CSNK1G1: variants seen among roughly 807,000 people sequenced by gnomAD.
CSNK1G1 encodes the protein casein kinase I isoform gamma-1.
Under a neutral mutation model 59.6 loss-of-function variants are expected in CSNK1G1, and 22 were observed. The observed-to-expected ratio is 0.37, with a 90% CI of 0.26 to 0.53. CSNK1G1 has a LOEUF of 0.53. Among genes scored for constraint, CSNK1G1 ranks in the 20% least tolerant of loss-of-function variants. The pLI is 0.89. For missense variants in CSNK1G1, 384 were observed against 519.5 expected, an observed-to-expected ratio of 0.74 and a Z score of 2.54; for synonymous variants, 179 against 177.1, an observed-to-expected ratio of 1.01 and a Z score of -0.08.
rs560586305 is a variant in CSNK1G1, at chr15:64,226,853, TA to T, written c.293-10141del. ...AGTCAAGAAGGTTCTAGCAAGCAGC[TA>T]GAAGGAATGAAAAGGAAAAAATGAG... On this transcript the variant is annotated intron_variant, in intron 4 of 11. Transcript: ENST00000303052. Among the ~76,000 whole-genome samples the T allele has an allele frequency of 4.6e-5, 7 of 152,180 alleles. No individual in the cohort carries two copies. The East Asian group carries it at 1.2e-3, about 25-fold the overall frequency.
intron 2 of CSNK1G1, among the ~76,000 whole-genome samples, chr15:64,271,930 G>A: frequency 6.6e-6 from 1 of 152,108 alleles, no homozygotes; most frequent in East Asian, 1.9e-4. Flanking sequence ...GAATCTGGGT[G>A]CTCCTGTGTC....
chr15:64,304,451 G>GC (rs1376320802), intron 1 of CSNK1G1, among the ~76,000 whole-genome samples: 1 of 151,122 alleles, frequency 6.6e-6, no homozygotes, highest in East Asian at 1.9e-4. Flanking sequence ...ACTTTATGTG[G>GC]CATCTCTCAC....
chr15:64,278,435 T>A (rs1421195181), intron 2 of CSNK1G1, among the ~76,000 whole-genome samples: 2 of 143,354 alleles, frequency 1.4e-5, no homozygotes, highest in Non-Finnish European at 3.1e-5. Context: ...TATATATATT[T>A]TTTTTTTTTT....
intron 1 of CSNK1G1, among the ~76,000 whole-genome samples, chr15:64,321,229 TA>T (rs965504576): frequency 6.7e-6 from 1 of 149,234 alleles, no homozygotes; most frequent in Non-Finnish European, 1.5e-5. Context: ...CCCACTGAAA[TA>T]AAAAAAAGCA....
intron 1 of CSNK1G1, among the ~76,000 whole-genome samples, chr15:64,305,715 C>CA (rs1895648191): frequency 2.8e-5 from 3 of 107,606 alleles, no homozygotes; most frequent in Admixed American, 9.3e-5. Context: ...AAAACAAAAA[C>CA]AAAAACAAAA....
chr15:64,343,576 T>C (rs1295620331), intron 1 of CSNK1G1, among the ~76,000 whole-genome samples: 1 of 152,042 alleles, frequency 6.6e-6, no homozygotes, highest in East Asian at 1.9e-4. Flanking sequence ...TTTAATCTCC[T>C]TCCTGTCAGA....
At chr15:64,181,188 C>A in intron 10 of CSNK1G1, 1 of 1,524,848 alleles carries the variant, frequency 6.6e-7, no homozygotes, top group South Asian at 1.2e-5. Flanking sequence ...AGTCTTATTT[C>A]AACGATCTTT....
intron 2 of CSNK1G1, among the ~76,000 whole-genome samples, chr15:64,279,864 C>T (rs1488226463): frequency 4.6e-5 from 7 of 150,940 alleles, no homozygotes; most frequent in Non-Finnish European, 7.4e-5. Context: ...CCCAGCTACT[C>T]GGGAGGCTGA....
At chr15:64,303,160 TTCAAG>T (rs1895457160) in intron 1 of CSNK1G1, among the ~76,000 whole-genome samples, 3 of 150,790 alleles carry the variant, frequency 2.0e-5, no homozygotes, top group South Asian at 2.1e-4. Context: ...AGCCCATGAG[TTCAAG>T]GCTGGAATGT....
intron 11 of CSNK1G1, among the ~76,000 whole-genome samples, chr15:64,177,940 G>A (rs1423943946): frequency 6.6e-6 from 1 of 152,194 alleles, no homozygotes; most frequent in Non-Finnish European, 1.5e-5. Flanking sequence ...GGTGGGAGCT[G>A]GGAACAGGTA....
chr15:64,266,695 T>A (rs1199722555), intron 2 of CSNK1G1, among the ~76,000 whole-genome samples: 1 of 152,050 alleles, frequency 6.6e-6, no homozygotes, highest in Non-Finnish European at 1.5e-5. Context: ...AATAGAGAAC[T>A]CAGAAATAAA....
intron 11 of CSNK1G1, among the ~76,000 whole-genome samples, chr15:64,179,775 A>G (rs1325925324): frequency 6.6e-6 from 1 of 152,158 alleles, no homozygotes; most frequent in Non-Finnish European, 1.5e-5. Context: ...AGAAGCAGAA[A>G]AGGGTGTGGG....
chr15:64,229,078 C>T (rs1012697058), intron 4 of CSNK1G1, among the ~76,000 whole-genome samples: 1 of 148,702 alleles, frequency 6.7e-6, no homozygotes, highest in Non-Finnish European at 1.5e-5. Flanking sequence ...TTTTTCTTAT[C>T]AACATATAGA....
intron 1 of CSNK1G1, among the ~76,000 whole-genome samples, chr15:64,319,917 CTTTTTTT>C (rs148166902): frequency 3.0e-5 from 2 of 65,934 alleles, no homozygotes; most frequent in African/African-American, 1.1e-4. Context: ...TAGATCAGGG[CTTTTTTT>C]TTTTTTTTTT....
chr15:64,225,556 G>C (rs1417315027), intron 4 of CSNK1G1, among the ~76,000 whole-genome samples: 4 of 152,150 alleles, frequency 2.6e-5, no homozygotes, highest in Non-Finnish European at 5.9e-5. Context: ...TTGGCCTAGG[G>C]CAGAATCCTT....
chr15:64,206,179 C>A (rs76547255), intron 7 of CSNK1G1, among the ~76,000 whole-genome samples: 2 of 152,002 alleles, frequency 1.3e-5, no homozygotes, highest in Admixed American at 6.6e-5. Context: ...CAGTGGCTCA[C>A]GCCTGTAATC....
intron 1 of CSNK1G1, among the ~76,000 whole-genome samples, chr15:64,340,543 A>G (rs149678753): frequency 6.6e-6 from 1 of 152,334 alleles, no homozygotes; most frequent in Non-Finnish European, 1.5e-5. Flanking sequence ...GATGTGGTAG[A>G]GACTGCAGGT....
At chr15:64,346,322 T>G (rs895769949) in intron 1 of CSNK1G1, among the ~76,000 whole-genome samples, 3 of 151,242 alleles carry the variant, frequency 2.0e-5, no homozygotes, top group African/African-American at 7.3e-5. Context: ...AAAAACTAAC[T>G]TAAAATAAAC....
intron 1 of CSNK1G1, among the ~76,000 whole-genome samples, chr15:64,317,392 A>G (rs913433290): frequency 5.9e-5 from 9 of 151,536 alleles, no homozygotes; most frequent in African/African-American, 2.2e-4. Flanking sequence ...CCCGGCCTAA[A>G]GTTTTCTATA....
Sources: allele counts gnomAD v4.1 joint callset (sites outside exome capture counted in the v4.1 genomes callset), GRCh38; gene constraint gnomAD v4.1.1; transcripts MANE v1.5; gene names NCBI Gene and HGNC (gene_info 2026-07-23, HGNC 2026-07-21).